Variants in BDP1 observed in about 807,000 individuals in gnomAD.
The protein encoded by BDP1 is BDP1 general transcription factor IIIB subunit.
Under a neutral mutation model 266.6 loss-of-function variants are expected in BDP1, and 169 were observed. That is an observed-to-expected ratio of 0.63 (90% CI 0.56 to 0.72). The LOEUF is 0.72. Ranked by LOEUF, BDP1 falls within the 30% of genes least tolerant of loss-of-function variation. The pLI is 0.00. For missense variants in BDP1, 3,015 were observed against 3,053.8 expected, an observed-to-expected ratio of 0.99 and a Z score of 0.30; for synonymous variants, 1,090 against 1,022.4, an observed-to-expected ratio of 1.07 and a Z score of -1.26.
chr5:71,544,352 T>G lies in BDP1; in HGVS notation c.6413-5T>G. 6 of 1,606,840 alleles carry G rather than the reference T, an allele frequency of 3.7e-6. No individual in the cohort carries two copies. Among genetic ancestry groups the G allele is most frequent in the Non-Finnish European group, 5.1e-6 (6 of 1,178,192 alleles). Reference sequence around the variant, plus strand: ...TCTATATCGTAAGTGTGCTTTTTGTTTAAGAAACAGAGAAAAATGCTTCCA... The same window carrying G: ...TCTATATCGTAAGTGTGCTTTTTGTGTAAGAAACAGAGAAAAATGCTTCCA... On this transcript the variant is annotated splice_region_variant and splice_polypyrimidine_tract_variant and intron_variant, in intron 30 of 38. Coordinates refer to ENST00000358731, the MANE Select transcript of BDP1 (RefSeq NM_018429.3).
chr5:71,469,917 C>T (rs1296868810), intron 6 of BDP1, among the ~76,000 whole-genome samples: 2 of 150,918 alleles, frequency 1.3e-5, no homozygotes, highest in African/African-American at 4.9e-5. Flanking sequence ...TCTCGGCTCA[C>T]TGCAACCTCC....
At chr5:71,472,732 T>C (rs1236276816) in intron 7 of BDP1, among the ~76,000 whole-genome samples, 3 of 152,162 alleles carry the variant, frequency 2.0e-5, no homozygotes, top group African/African-American at 4.8e-5. Flanking sequence ...CCCTCTTCTA[T>C]TTTCTGAAAT....
chr5:71,550,852 C>T (rs998653428), intron 34 of BDP1, among the ~76,000 whole-genome samples: 3 of 151,996 alleles, frequency 2.0e-5, no homozygotes, highest in African/African-American at 7.2e-5. Flanking sequence ...ACTATAGGTG[C>T]GTGCCACCAC....
chr5:71,457,806 T>A (rs1443246556), intron 1 of BDP1, among the ~76,000 whole-genome samples: 1 of 152,230 alleles, frequency 6.6e-6, no homozygotes, highest in Non-Finnish European at 1.5e-5. Flanking sequence ...TTTTTATAAG[T>A]AATTATAAAA....
chr5:71,575,854 T>C, the BDP1 span, among the ~76,000 whole-genome samples: 22 of 152,232 alleles, frequency 1.4e-4, no homozygotes, highest in African/African-American at 5.3e-4. Context: ...ATTCATTTTA[T>C]GGCTGATACT....
intron 34 of BDP1, among the ~76,000 whole-genome samples, chr5:71,552,330 C>T (rs1742871428): frequency 6.6e-6 from 1 of 150,762 alleles, no homozygotes; most frequent in Middle Eastern, 3.2e-3. Context: ...CTCCTCACTT[C>T]CTAGATGGGA....
At chr5:71,485,868 T>A (rs549952299) in intron 8 of BDP1, among the ~76,000 whole-genome samples, 3 of 152,328 alleles carry the variant, frequency 2.0e-5, no homozygotes, top group African/African-American at 7.2e-5. Context: ...AAAATTGATT[T>A]ATATTTATAC....
chr5:71,485,129 A>G (rs950474559), intron 8 of BDP1, among the ~76,000 whole-genome samples: 2 of 152,220 alleles, frequency 1.3e-5, no homozygotes, highest in African/African-American at 4.8e-5. Context: ...TTTATAGACT[A>G]TTATAATAGA....
chr5:71,510,054 GGAA>G lies in BDP1; in HGVS notation c.2969_2971del (p.Arg990del), dbSNP rs747895675. On this transcript the variant is annotated inframe_deletion, in exon 17 of 39. Coordinates refer to ENST00000358731, the MANE Select transcript of BDP1 (RefSeq NM_018429.3). ...AATAGACAAAAATTTGGAAGAAACTGGAAGAAGAAAAATATCCCCAAGGGAAAA... is the reference window on the plus strand; with the variant it reads ...AATAGACAAAAATTTGGAAGAAACTGGAAGAAAAATATCCCCAAGGGAAAA... 1 of 1,613,900 alleles carries G rather than the reference GGAA, an allele frequency of 6.2e-7. No homozygotes were observed. Among genetic ancestry groups the G allele is most frequent in the East Asian group, 2.2e-5 (1 of 44,850 alleles).
chr5:71,467,430 A>G lies in BDP1; in HGVS notation c.862A>G (p.Thr288Ala). Residue 288 changes from threonine to alanine, a missense_variant, in exon 6 of 39, where the codon ACA becomes GCA. Around this residue, in one of 3 missense-constraint regions of BDP1, gnomAD observed 2,383 missense variants for 2,404.9 expected, o/e 0.99. Coordinates refer to ENST00000358731, the MANE Select transcript of BDP1 (RefSeq NM_018429.3). ...TGACCCCATATTTGAGCGCGGTTCT[A>G]CAACTACATACTCCAGCTTTAGGAA... The part of the protein sequence containing the change: ...ENDPIFERGS[T>A]TTYSSFRKNY... The G allele has an allele frequency of 1.9e-6, 3 of 1,610,510 alleles. No homozygotes were observed. Among genetic ancestry groups the G allele is most frequent in the Non-Finnish European group, 2.5e-6 (3 of 1,176,836 alleles).
At chr5:71,514,879 T>A in intron 19 of BDP1, 65 bp from the exon 20 acceptor site, 1 of 1,183,194 alleles carries the variant, frequency 8.5e-7, no homozygotes, top group Middle Eastern at 2.1e-4. Flanking sequence ...CAGTTTATAC[T>A]TGTAAAGTTC....
chr5:71,469,042 T>C (rs953773471), intron 6 of BDP1, among the ~76,000 whole-genome samples: 1 of 152,212 alleles, frequency 6.6e-6, no homozygotes, highest in African/African-American at 2.4e-5. Flanking sequence ...AACAGTAGTT[T>C]TGAGGAAAAA....
rs559302705 is a variant in BDP1, at chr5:71,460,642, A to C, written c.490-1175A>C. Among the ~76,000 whole-genome samples the C allele has an allele frequency of 1.8e-3, 276 of 152,310 alleles. 1 individual carries two copies. The highest frequency in any genetic ancestry group is 3.5e-3 in the Non-Finnish European group (237 of 68,024). On this transcript the variant is annotated intron_variant, in intron 2 of 38. Coordinates refer to ENST00000358731, the MANE Select transcript of BDP1 (RefSeq NM_018429.3). The stretch of plus-strand genomic sequence containing the variant: ...CTCACAACAATTGCTTGAACCTGGA[A>C]GGCGGAGGTTGCAGTGAGCTGAAAT...
intron 10 of BDP1, 67 bp downstream of exon 10, chr5:71,489,749 G>A: frequency 2.9e-6 from 4 of 1,394,806 alleles, no homozygotes; most frequent in Non-Finnish European, 3.9e-6. Flanking sequence ...AATATGGTAT[G>A]TAACTTAATT....
chr5:71,467,877 T>C (rs1761999527), intron 6 of BDP1, among the ~76,000 whole-genome samples: 1 of 152,108 alleles, frequency 6.6e-6, no homozygotes, highest in African/African-American at 2.4e-5. Context: ...TCTTGATTGA[T>C]TGCCGAGGCT....
intron 3 of BDP1, among the ~76,000 whole-genome samples, chr5:71,462,390 A>C (rs989274640): frequency 6.6e-6 from 1 of 152,222 alleles, no homozygotes; most frequent in African/African-American, 2.4e-5. Flanking sequence ...TTTCATAACA[A>C]AAAGTAGCAG....
intron 7 of BDP1, among the ~76,000 whole-genome samples, chr5:71,480,531 A>G (rs1470262578): frequency 7.2e-6 from 1 of 139,028 alleles, no homozygotes; most frequent in Admixed American, 7.1e-5. Flanking sequence ...TGGCCTCCCA[A>G]AGGGCTGGGA....
At chr5:71,542,066 C>G (rs1172907015) in intron 29 of BDP1, 39 bp from the exon 30 acceptor site, 1 of 1,538,904 alleles carries the variant, frequency 6.5e-7, no homozygotes, top group Non-Finnish European at 8.9e-7. Flanking sequence ...AGAGCAAGAT[C>G]TAACATGATT....
Position 71,489,414 on chromosome 5 carries a change from T to C in BDP1, c.1224T>C (p.Val408=), listed in dbSNP as rs374338170. The C allele has an allele frequency of 1.6e-5, 25 of 1,579,710 alleles. No individual in the cohort carries two copies. The highest frequency in any genetic ancestry group is 2.0e-5 in the Admixed American group (1 of 50,004). ...TTCTCTTGTTTTCAGTGAAAAAAGT[T>C]GCCTGTGAAGGAGTGAATAATGATC... is the stretch of plus-strand genomic sequence containing the variant. ...KPRKNVKVKK[V]ACEGVNNDPD... The change falls in exon 10 of 39, where the codon GTT becomes GTC. Residue 408 remains valine, a synonymous_variant. Coordinates refer to ENST00000358731, the MANE Select transcript of BDP1 (RefSeq NM_018429.3).
Sources: gnomAD v4.1 joint callset for allele counts (sites outside exome capture counted in the v4.1 genomes callset) on GRCh38, gnomAD v4.1.1 for gene constraint, gnomAD v4.1.1 regional missense constraint, MANE v1.5 for transcripts, NCBI Gene and HGNC (gene_info 2026-07-23, HGNC 2026-07-21) for gene names.